Variants in NCAPD2 observed in about 807,000 individuals in gnomAD.
NCAPD2 encodes the protein non-SMC condensin I complex subunit D2.
NCAPD2 carries 100 observed loss-of-function variants against 164.5 expected under a neutral mutation model. The ratio of observed to expected loss-of-function variants is 0.61; its 90% CI spans 0.52 to 0.72. The LOEUF is 0.72. Ranked by LOEUF, NCAPD2 falls within the 30% of genes least tolerant of loss-of-function variation. NCAPD2 has a pLI of 0.00. For missense variants in NCAPD2, 1,560 were observed against 1,749.2 expected (o/e 0.89, Z 1.93); for synonymous variants, 585 against 642.6 (o/e 0.91, Z 1.36).
chr12:6,523,496 C>G (rs1303831493), intron 17 of NCAPD2, 150 bp downstream of exon 17: 23 of 620,588 alleles, frequency 3.7e-5, no homozygotes, highest in Admixed American at 9.0e-5. Flanking sequence ...CTCCCAGGTT[C>G]AAGCAATTCT....
chr12:6,527,168 G>A (rs1052915107), intron 22 of NCAPD2, 105 bp downstream of exon 22: 69 of 1,276,370 alleles, frequency 5.4e-5, no homozygotes, highest in Non-Finnish European at 7.2e-5. Context: ...TACATGAAGC[G>A]AAGAGTTTCT....
intron 13 of NCAPD2, among the ~76,000 whole-genome samples, chr12:6,520,211 C>T (rs1165379734): frequency 1.3e-5 from 2 of 150,798 alleles, no homozygotes; most frequent in African/African-American, 4.9e-5. Context: ...TATATATACA[C>T]ATATATATTT....
At chr12:6,509,141 A>G (rs527737309) in intron 2 of NCAPD2, among the ~76,000 whole-genome samples, 22 of 152,062 alleles carry the variant, frequency 1.4e-4, no homozygotes, top group African/African-American at 5.3e-4. Flanking sequence ...TGGACAAGTC[A>G]TATAACTACT....
chr12:6,510,146 C>A lies in NCAPD2; in HGVS notation c.262+13C>A. On this transcript the variant is annotated intron_variant, in intron 4 of 31. Coordinates refer to ENST00000315579, the MANE Select transcript of NCAPD2 (RefSeq NM_014865.4). Reference sequence around the variant, plus strand: ...TTCCTGATAAAAGGTGTTTATGGGTCAGGGGGTAGGGGATGGAAGGTGTTT... The same window carrying A: ...TTCCTGATAAAAGGTGTTTATGGGTAAGGGGGTAGGGGATGGAAGGTGTTT... 1 of 1,599,930 alleles carries A rather than the reference C, an allele frequency of 6.3e-7. No homozygotes were observed. The highest frequency in any genetic ancestry group is 1.1e-5 in the South Asian group (1 of 90,782).
chr12:6,522,775 T>C (rs1946276283), intron 15 of NCAPD2, 53 bp from the exon 16 acceptor site: 1 of 1,587,418 alleles, frequency 6.3e-7, no homozygotes, highest in African/African-American at 1.4e-5. Flanking sequence ...TGTCGTTAGG[T>C]ATTGGGGGAG....
intron 2 of NCAPD2, among the ~76,000 whole-genome samples, chr12:6,495,450 T>C (rs1426861237): frequency 6.6e-6 from 1 of 152,250 alleles, no homozygotes; most frequent in Non-Finnish European, 1.5e-5. Flanking sequence ...TCTTGGTGTA[T>C]GTGATTACTC....
At chr12:6,520,181 TA>T (rs10674281) in intron 13 of NCAPD2, among the ~76,000 whole-genome samples, 59 of 141,836 alleles carry the variant, frequency 4.2e-4, no homozygotes, top group African/African-American at 1.3e-3. Flanking sequence ...ACTCTGTCTC[TA>T]AAAAAAAAAA....
rs762678605 is a variant in NCAPD2, at chr12:6,516,840, C to G, written c.1000C>G (p.Arg334Gly). 3 of 1,614,050 alleles carry G rather than the reference C, an allele frequency of 1.9e-6. No individual in the cohort carries two copies. Among genetic ancestry groups the G allele is most frequent in the Non-Finnish European group, 1.7e-6 (2 of 1,179,982 alleles). The change falls in exon 10 of 32, where the codon CGT becomes GGT. Residue 334 changes from arginine to glycine, a missense_variant. By Grantham distance (125) the Arg-to-Gly change is moderately radical. Coordinates refer to ENST00000315579, the MANE Select transcript of NCAPD2 (RefSeq NM_014865.4). ...DHLDGENYMMRNAVLAAMAEM... is the reference protein window; with the variant it reads ...DHLDGENYMMGNAVLAAMAEM... ...TTCTCTCTCTTAGAATTACATGATG[C>G]GTAATGCTGTGCTGGCAGCCATGGC... is the stretch of plus-strand genomic sequence containing the variant.
At chr12:6,513,681 A>G (rs1565542466) in intron 6 of NCAPD2, among the ~76,000 whole-genome samples, 1 of 138,796 alleles carries the variant, frequency 7.2e-6, no homozygotes. Context: ...ATCAGTCGTT[A>G]TATTTAGGAA....
intron 2 of NCAPD2, among the ~76,000 whole-genome samples, chr12:6,495,627 G>A (rs1230480149): frequency 1.3e-5 from 2 of 151,988 alleles, no homozygotes; most frequent in Admixed American, 6.6e-5. Flanking sequence ...TGCAATTATG[G>A]GGACAAAAAC....
Position 6,514,397 on chromosome 12 carries a change from G to T in NCAPD2, c.715+5G>T. ...CCCGTTATAACCATATGCTCAGTAA[G>T]TTACCAGTCGCTTTGCCCCGCCTTT... On this transcript the variant is annotated splice_donor_5th_base_variant and intron_variant, in intron 7 of 31. Transcript: ENST00000315579. The T allele has an allele frequency of 3.7e-6, 6 of 1,614,146 alleles. No homozygotes were observed. Among genetic ancestry groups the T allele is most frequent in the Non-Finnish European group, 5.1e-6 (6 of 1,180,034 alleles).
At chr12:6,521,410 C>T (rs1303736619) in intron 14 of NCAPD2, among the ~76,000 whole-genome samples, 1 of 152,210 alleles carries the variant, frequency 6.6e-6, no homozygotes, top group African/African-American at 2.4e-5. Flanking sequence ...GGCCAGATGT[C>T]GTGGCTTATG....
chr12:6,513,842 A>T (rs140709663), intron 6 of NCAPD2, among the ~76,000 whole-genome samples: 8,426 of 150,898 alleles, frequency 0.056, 305 homozygotes, highest in Middle Eastern at 0.096. Flanking sequence ...CAGCCTCCCA[A>T]GTAGCTGGGA....
At chr12:6,520,849 A>C in intron 13 of NCAPD2, 137 bp from the exon 14 acceptor site, 1 of 1,169,970 alleles carries the variant, frequency 8.5e-7, no homozygotes, top group Non-Finnish European at 1.2e-6. Flanking sequence ...AGGTGCTGTA[A>C]CAACTTTTTA....
At chr12:6,494,657 T>A (rs1053669056) in intron 1 of NCAPD2, among the ~76,000 whole-genome samples, 5 of 152,238 alleles carry the variant, frequency 3.3e-5, no homozygotes, top group Non-Finnish European at 7.3e-5. Flanking sequence ...CACATAAAAA[T>A]GGAAATAATA....
chr12:6,525,505 A>G, intron 17 of NCAPD2, 78 bp from the exon 18 acceptor site: 2 of 1,523,738 alleles, frequency 1.3e-6, no homozygotes, highest in Non-Finnish European at 1.8e-6. Context: ...CAGGTTCGCA[A>G]TATCATCTTC....
At chr12:6,495,429 G>A (rs1945970189) in intron 2 of NCAPD2, among the ~76,000 whole-genome samples, 1 of 152,170 alleles carries the variant, frequency 6.6e-6, no homozygotes, top group Non-Finnish European at 1.5e-5. Flanking sequence ...TTCTGGATTA[G>A]TCAAAAACAG....
At chr12:6,518,417 A>G (rs1432392956) in intron 13 of NCAPD2, among the ~76,000 whole-genome samples, 3 of 150,146 alleles carry the variant, frequency 2.0e-5, no homozygotes, top group African/African-American at 2.4e-5. Flanking sequence ...CAAACCTAGT[A>G]TGAATCCTGA....
chr12:6,497,689 A>G (rs934665601), intron 2 of NCAPD2, among the ~76,000 whole-genome samples: 11 of 151,962 alleles, frequency 7.2e-5, no homozygotes, highest in Admixed American at 2.6e-4. Context: ...GCGCAATCTC[A>G]GCTCACTGCA....
Sources: gnomAD v4.1 joint callset for allele counts (sites outside exome capture counted in the v4.1 genomes callset) on GRCh38, gnomAD v4.1.1 for gene constraint, MANE v1.5 for transcripts, NCBI Gene and HGNC (gene_info 2026-07-23, HGNC 2026-07-21) for gene names.